PDS5B: variants seen among roughly 807,000 people sequenced by gnomAD.
The protein encoded by PDS5B is PDS5 cohesin associated factor B, also known as sister chromatid cohesion protein PDS5 homolog B.
In PDS5B, 51 loss-of-function variants were observed where a neutral mutation model predicts 184.1. That is an observed-to-expected ratio of 0.28 (90% CI 0.22 to 0.35). PDS5B has a LOEUF of 0.35. Ranked by LOEUF, PDS5B falls within the 10% of genes least tolerant of loss-of-function variation. The pLI is 1.00. For synonymous variants in PDS5B, 566 were observed against 569.2 expected (o/e 0.99, Z 0.08); for missense variants, 1,180 against 1,723.3 (o/e 0.68, Z 5.58).
intron 1 of PDS5B, among the ~76,000 whole-genome samples, chr13:32,607,902 C>G (rs2058084854): frequency 6.6e-6 from 1 of 152,212 alleles, no homozygotes; most frequent in African/African-American, 2.4e-5. Context: ...TTGCTAAGAC[C>G]TTTGGAAAAG....
At chr13:32,686,424 C>G (rs1344585832) in intron 11 of PDS5B, among the ~76,000 whole-genome samples, 1 of 151,900 alleles carries the variant, frequency 6.6e-6, no homozygotes, top group Non-Finnish European at 1.5e-5. Context: ...CAATATAGAC[C>G]ACAATTAGAA....
At chr13:32,741,430 G>A (rs1953547357) in intron 22 of PDS5B, among the ~76,000 whole-genome samples, 1 of 152,088 alleles carries the variant, frequency 6.6e-6, no homozygotes, top group Admixed American at 6.5e-5. Flanking sequence ...CCTCTGTTCT[G>A]TAAAGATGAT....
At chr13:32,713,152 TA>T (rs1404031301) in intron 19 of PDS5B, among the ~76,000 whole-genome samples, 4 of 152,198 alleles carry the variant, frequency 2.6e-5, no homozygotes, top group Non-Finnish European at 5.9e-5. Flanking sequence ...AAAAAGGACT[TA>T]CTACCTTTAG....
chr13:32,749,417 A>G (rs982318883), intron 24 of PDS5B, among the ~76,000 whole-genome samples: 26 of 152,172 alleles, frequency 1.7e-4, no homozygotes, highest in African/African-American at 6.3e-4. Flanking sequence ...GCAGTATTGT[A>G]TCTGGGAGGC....
chr13:32,701,565 T>G, intron 17 of PDS5B, 127 bp downstream of exon 17: 2 of 575,756 alleles, frequency 3.5e-6, no homozygotes, highest in East Asian at 2.9e-5. Flanking sequence ...CCTCTGTATA[T>G]ACTCCTCTGC....
chr13:32,593,145 C>T (rs1028584434), intron 1 of PDS5B, among the ~76,000 whole-genome samples: 2 of 152,068 alleles, frequency 1.3e-5, no homozygotes, highest in African/African-American at 2.4e-5. Context: ...GGGGGCTCCT[C>T]AAGAGGTGAG....
At chr13:32,670,281 A>G (rs1950902170) in intron 7 of PDS5B, among the ~76,000 whole-genome samples, 1 of 152,092 alleles carries the variant, frequency 6.6e-6, no homozygotes, top group Non-Finnish European at 1.5e-5. Flanking sequence ...CAGTGGTGTG[A>G]TCTTGTTACA....
intron 2 of PDS5B, 155 bp downstream of exon 2, chr13:32,649,035 G>A: frequency 3.5e-6 from 2 of 573,086 alleles, no homozygotes; most frequent in Non-Finnish European, 6.2e-6. Flanking sequence ...GAGTATATAA[G>A]GTACAGTGGG....
chr13:32,676,898 T>G (rs1351432830), intron 9 of PDS5B, among the ~76,000 whole-genome samples: 1 of 135,820 alleles, frequency 7.4e-6, no homozygotes, highest in Non-Finnish European at 1.5e-5. Context: ...ACCACTGCAT[T>G]CCAGCCTGGG....
intron 1 of PDS5B, among the ~76,000 whole-genome samples, chr13:32,595,973 TG>T (rs1464818110): frequency 1.3e-5 from 2 of 152,168 alleles, no homozygotes; most frequent in Admixed American, 6.5e-5. Context: ...TGTGTAATAA[TG>T]TATATATACT....
intron 1 of PDS5B, among the ~76,000 whole-genome samples, chr13:32,634,861 A>C (rs1215908752): frequency 6.6e-6 from 1 of 151,696 alleles, no homozygotes; most frequent in East Asian, 2.0e-4. Context: ...GATTACAGGC[A>C]TGAGCCACCG....
intron 19 of PDS5B, among the ~76,000 whole-genome samples, chr13:32,714,773 C>A (rs1247133829): frequency 6.6e-6 from 1 of 152,056 alleles, no homozygotes; most frequent in Non-Finnish European, 1.5e-5. Context: ...TCAAGGTGCC[C>A]ACATTTCATA....
intron 23 of PDS5B, among the ~76,000 whole-genome samples, 179 bp from the exon 24 acceptor site, chr13:32,745,798 A>G (rs1953722056): frequency 6.6e-6 from 1 of 152,174 alleles, no homozygotes; most frequent in African/African-American, 2.4e-5. Context: ...TCCACCTCCT[A>G]ATACTATCTC....
chr13:32,702,965 A>C (rs974751804), intron 17 of PDS5B, among the ~76,000 whole-genome samples: 4 of 152,216 alleles, frequency 2.6e-5, no homozygotes, highest in African/African-American at 9.6e-5. Context: ...GGAAATTTTA[A>C]AACAACAACC....
chr13:32,596,700 G>T (rs1177233684), intron 1 of PDS5B, among the ~76,000 whole-genome samples: 1 of 152,030 alleles, frequency 6.6e-6, no homozygotes, highest in African/African-American at 2.4e-5. Flanking sequence ...GGGTGTGGAA[G>T]GGTATCTCAT....
intron 18 of PDS5B, among the ~76,000 whole-genome samples, chr13:32,708,037 T>A (rs1952081210): frequency 1.3e-5 from 2 of 151,796 alleles, no homozygotes; most frequent in Non-Finnish European, 2.9e-5. Flanking sequence ...GGCAATGACC[T>A]GATGACCCAA....
chr13:32,610,308 G>T (rs2058122099), intron 1 of PDS5B, among the ~76,000 whole-genome samples: 1 of 152,222 alleles, frequency 6.6e-6, no homozygotes, highest in Non-Finnish European at 1.5e-5. Flanking sequence ...GGGACAGGTT[G>T]CTGTTAGCGA....
chr13:32,758,015 G>A, intron 26 of PDS5B, 72 bp from the exon 27 acceptor site: 1 of 547,290 alleles, frequency 1.8e-6, no homozygotes, highest in Non-Finnish European at 2.8e-6. Flanking sequence ...TTTATATTTA[G>A]AATTATTGTA....
intron 6 of PDS5B, among the ~76,000 whole-genome samples, chr13:32,659,665 A>G (rs544226373): frequency 7.6e-4 from 116 of 152,326 alleles, no homozygotes; most frequent in Middle Eastern, 3.4e-3. Context: ...GGAAGTCTCT[A>G]CTAAATGGGA....
Sources: allele counts gnomAD v4.1 joint callset (sites outside exome capture counted in the v4.1 genomes callset), GRCh38; gene constraint gnomAD v4.1.1; transcripts MANE v1.5; gene names NCBI Gene and HGNC (gene_info 2026-07-23, HGNC 2026-07-21).